MAP4: variants seen among roughly 807,000 people sequenced by gnomAD.
MAP4 encodes microtubule-associated protein 4.
In MAP4, 76 loss-of-function variants were observed where a neutral mutation model predicts 170.2. That is an observed-to-expected ratio of 0.45 (90% confidence interval 0.37 to 0.54). MAP4 has a LOEUF of 0.54. Ranked by LOEUF, MAP4 falls within the 20% of genes least tolerant of loss-of-function variation. The probability of loss-of-function intolerance (pLI) is 0.00; values close to 1 mark genes in which losing one functional copy is unlikely to be tolerated. For synonymous variants in MAP4, 909 were observed against 994.5 expected (o/e 0.91, Z 1.62); for missense variants, 2,506 against 2,748.0 (o/e 0.91, Z 1.97).
In MAP4 at chr3:47,871,976, ACAG is replaced by A; in HGVS notation, c.5879_5881del (p.Ala1960del). On this transcript the variant is annotated inframe_deletion, in exon 13 of 21. Coordinates refer to ENST00000683076, the MANE Select transcript of MAP4 (RefSeq NM_001385682.1). ...CCTACTGCTTGGGCCAGTTGAGGCA[ACAG>A]CAGCAGCTGTTGTGGTTTTTGCAAC... The A allele has an allele frequency of 1.2e-6, 2 of 1,614,082 alleles. No individual in the cohort carries two copies. The highest frequency in any genetic ancestry group is 1.7e-6 in the Non-Finnish European group (2 of 1,179,970).
In MAP4 at chr3:47,897,952, A is replaced by G. The variant is rs989158614; in HGVS notation, c.5434+4998T>C. 8.6e-5 allele frequency among the ~76,000 whole-genome samples: 12 copies of G among 139,356 alleles called. 1 individual carries two copies. The highest frequency in any genetic ancestry group is 2.0e-4 in the East Asian group (1 of 4,976). The allele number at this position is 139,356 out of a possible 152,430, so 91.4% of individuals were successfully genotyped here. A position where few individuals can be genotyped will look rare whatever the true frequency, so the allele number is the denominator to read the frequency against. On this transcript the variant is annotated intron_variant, in intron 10 of 20. Coordinates refer to ENST00000683076, the MANE Select transcript of MAP4 (RefSeq NM_001385682.1). ...GTGAGACTCCATATCGGGGGGGGGA[A>G]AAAAAAAAAAGAAAGAATGGTCCTG... is the stretch of plus-strand genomic sequence containing the variant.
At chr3:47,992,359 A>G (rs1052413276) in intron 2 of MAP4, among the ~76,000 whole-genome samples, 2 of 152,192 alleles carry the variant, frequency 1.3e-5, no homozygotes, top group Non-Finnish European at 2.9e-5. Flanking sequence ...TAAGACTTCT[A>G]CAACTTTTAG....
At chr3:48,006,252 C>G (rs2100102249) in intron 1 of MAP4, among the ~76,000 whole-genome samples, 1 of 152,170 alleles carries the variant, frequency 6.6e-6, no homozygotes, top group Non-Finnish European at 1.5e-5. Flanking sequence ...GACCCCACTA[C>G]TTTACTGACA....
intron 10 of MAP4, among the ~76,000 whole-genome samples, chr3:47,901,368 C>T (rs2100029905): frequency 6.6e-6 from 1 of 152,084 alleles, no homozygotes; most frequent in Non-Finnish European, 1.5e-5. Flanking sequence ...AAACTAAATA[C>T]TAAAAAGTAC....
At position 48,054,195 on chromosome 3, in the gene MAP4, G is replaced by A. The variant is rs575094196; in HGVS notation, c.-20+34578C>T. 3.9e-5 allele frequency among the ~76,000 whole-genome samples: 6 copies of A among 152,214 alleles called. No individual in the cohort carries two copies. In the East Asian group the frequency reaches 7.7e-4, roughly 20 times the overall value. On this transcript the variant is annotated intron_variant, in intron 1 of 18. Transcript: ENST00000360240. ...CACCTGTAGTCTCAGCAAGTCAGGAGGCTGAGGAAGGAGAATCACTTGAAC... is the reference window on the plus strand; with the variant it reads ...CACCTGTAGTCTCAGCAAGTCAGGAAGCTGAGGAAGGAGAATCACTTGAAC...
chr3:47,948,553 GGT>G (rs2100061623), intron 3 of MAP4, among the ~76,000 whole-genome samples: 1 of 151,972 alleles, frequency 6.6e-6, no homozygotes, highest in Admixed American at 6.5e-5. Context: ...TATAGAAAGG[GGT>G]GTTAACAGTG....
intron 3 of MAP4, among the ~76,000 whole-genome samples, chr3:47,968,778 A>T (rs1309098254): frequency 2.0e-5 from 3 of 152,142 alleles, no homozygotes; most frequent in Non-Finnish European, 4.4e-5. Flanking sequence ...GAGAGAAAAT[A>T]GAGAAAACTC....
intron 1 of MAP4, among the ~76,000 whole-genome samples, chr3:48,056,476 C>A (rs1254079004): frequency 3.4e-5 from 2 of 58,968 alleles, no homozygotes; most frequent in African/African-American, 7.4e-5. Flanking sequence ...CCGCCCCGTC[C>A]GGGAGGGAGG....
At chr3:48,067,302 A>G (rs1195716738) in intron 1 of MAP4, among the ~76,000 whole-genome samples, 2 of 152,036 alleles carry the variant, frequency 1.3e-5, no homozygotes, top group African/African-American at 2.4e-5. Context: ...CACAATACTA[A>G]AGGTCTGGAA....
intron 1 of MAP4, among the ~76,000 whole-genome samples, chr3:48,014,418 G>A (rs1579258335): frequency 6.6e-6 from 1 of 152,086 alleles, no homozygotes; most frequent in Non-Finnish European, 1.5e-5. Flanking sequence ...GTGCTACTAT[G>A]GGAGCTAAAA....
intron 1 of MAP4, among the ~76,000 whole-genome samples, chr3:48,064,718 G>C (rs1237039133): frequency 1.3e-5 from 2 of 152,116 alleles, no homozygotes; most frequent in African/African-American, 4.8e-5. Flanking sequence ...GTCATAGAGT[G>C]TACTAAACAA....
chr3:47,919,939 TG>T, intron 5 of MAP4, among the ~76,000 whole-genome samples: 1 of 152,170 alleles, frequency 6.6e-6, no homozygotes, highest in African/African-American at 2.4e-5. Flanking sequence ...TTGTTGTTGT[TG>T]TTTGCCCAGC....
intron 10 of MAP4, among the ~76,000 whole-genome samples, chr3:47,880,259 ATTTTTTTT>A (rs35700801): frequency 3.8e-5 from 4 of 106,380 alleles, no homozygotes; most frequent in South Asian, 3.0e-4. Context: ...CACCTGGCTA[ATTTTTTTT>A]TTTTTTTTTT....
intron 1 of MAP4, among the ~76,000 whole-genome samples, chr3:48,065,282 C>T (rs992499132): frequency 6.6e-6 from 1 of 152,208 alleles, no homozygotes; most frequent in African/African-American, 2.4e-5. Context: ...CTCCTTACAA[C>T]TTAAAGTGTC....
At chr3:47,881,570 C>T (rs2096774947) in intron 10 of MAP4, among the ~76,000 whole-genome samples, 1 of 144,902 alleles carries the variant, frequency 6.9e-6, no homozygotes, top group Non-Finnish European at 1.5e-5. Flanking sequence ...CATCTTTTAA[C>T]TTTCAACCTA....
chr3:47,935,069 G>A (rs1230304743), intron 3 of MAP4, among the ~76,000 whole-genome samples: 1 of 152,222 alleles, frequency 6.6e-6, no homozygotes, highest in East Asian at 1.9e-4. Context: ...GATATGTGAA[G>A]TGCTTAGAAA....
intron 1 of MAP4, among the ~76,000 whole-genome samples, chr3:48,081,305 AAAATAAAT>A (rs1040860757): frequency 3.3e-5 from 5 of 151,588 alleles, no homozygotes; most frequent in East Asian, 1.9e-4. Flanking sequence ...ATAAATAAAT[AAAATAAAT>A]AAATAAATAA....
chr3:47,986,255 G>A (rs2100088611), intron 2 of MAP4, among the ~76,000 whole-genome samples: 2 of 152,106 alleles, frequency 1.3e-5, no homozygotes, highest in African/African-American at 4.8e-5. Context: ...CAGGGCTACA[G>A]GTACATACCA....
intron 17 of MAP4, among the ~76,000 whole-genome samples, chr3:47,864,529 T>C (rs945657044): frequency 6.6e-6 from 1 of 152,042 alleles, no homozygotes; most frequent in African/African-American, 2.4e-5. Flanking sequence ...TATAAAAAAT[T>C]AGCTGGGCAT....
Sources: allele counts gnomAD v4.1 joint callset (sites outside exome capture counted in the v4.1 genomes callset), GRCh38; gene constraint gnomAD v4.1.1; transcripts MANE v1.5; gene names NCBI Gene and HGNC (gene_info 2026-07-23, HGNC 2026-07-21).